RAD51B: variants seen among roughly 807,000 people sequenced by gnomAD.
RAD51B encodes the protein DNA repair protein RAD51 homolog 2.
RAD51B carries 38 observed loss-of-function variants against 42.2 expected under a neutral mutation model. That is an observed-to-expected ratio of 0.90 (90% confidence interval 0.70 to 1.18). The LOEUF is 1.18. Ranked by LOEUF, RAD51B falls within the 50% of genes most tolerant of loss-of-function variation. The pLI, the probability that RAD51B is intolerant of heterozygous loss-of-function variation, is 0.00. For missense variants in RAD51B, 373 were observed against 400.7 expected, an observed-to-expected ratio of 0.93 and a Z score of 0.59; for synonymous variants, 154 against 145.2, an observed-to-expected ratio of 1.06 and a Z score of -0.43.
At chr14:67,823,775 A>G (rs1184715410) in intron 2 of RAD51B, 148 bp downstream of exon 2, 2 of 615,018 alleles carry the variant, frequency 3.3e-6, no homozygotes, top group African/African-American at 3.8e-5. Flanking sequence ...TGTAAATATC[A>G]AGCCTCCTTG....
intron 9 of RAD51B, among the ~76,000 whole-genome samples, chr14:68,414,412 C>CT (rs931424359): frequency 6.6e-6 from 1 of 152,098 alleles, no homozygotes; most frequent in Non-Finnish European, 1.5e-5. Flanking sequence ...CATTTTTATT[C>CT]TTACCAAAGA....
intron 8 of RAD51B, among the ~76,000 whole-genome samples, chr14:68,361,823 C>T (rs964083246): frequency 2.0e-5 from 3 of 152,070 alleles, no homozygotes; most frequent in Non-Finnish European, 4.4e-5. Flanking sequence ...TTACAGGCAC[C>T]TGCCACCACA....
chr14:68,187,637 C>T (rs1421760742), intron 7 of RAD51B, among the ~76,000 whole-genome samples: 3 of 152,116 alleles, frequency 2.0e-5, no homozygotes, highest in African/African-American at 7.2e-5. Flanking sequence ...AAAAGTTCCC[C>T]ATAATCTTAG....
intron 7 of RAD51B, among the ~76,000 whole-genome samples, chr14:68,103,320 G>C (rs1866151301): frequency 6.6e-6 from 1 of 152,148 alleles, no homozygotes; most frequent in Non-Finnish European, 1.5e-5. Context: ...TATCATAATA[G>C]TTTCAATCTC....
intron 7 of RAD51B, among the ~76,000 whole-genome samples, chr14:68,152,374 A>G (rs539327263): frequency 6.6e-6 from 1 of 152,286 alleles, no homozygotes; most frequent in African/African-American, 2.4e-5. Context: ...AGATACGTTG[A>G]GAATGTAGGC....
chr14:67,992,478 A>T (rs1045857598), intron 7 of RAD51B, among the ~76,000 whole-genome samples: 8 of 152,190 alleles, frequency 5.3e-5, no homozygotes, highest in Non-Finnish European at 1.0e-4. Flanking sequence ...TAATAGAAGA[A>T]ATTTATTCAT....
At chr14:68,398,176 C>T (rs2140038474) in intron 8 of RAD51B, among the ~76,000 whole-genome samples, 1 of 152,360 alleles carries the variant, frequency 6.6e-6, no homozygotes, top group South Asian at 2.1e-4. Flanking sequence ...CGGGGCCCAG[C>T]TCTCCCTCTG....
intron 7 of RAD51B, among the ~76,000 whole-genome samples, chr14:67,953,627 A>C (rs1446026587): frequency 1.3e-5 from 2 of 152,094 alleles, no homozygotes; most frequent in African/African-American, 4.8e-5. Flanking sequence ...GGCCCAGGTG[A>C]GAGAGAATAA....
chr14:67,845,524 C>T (rs149078863), intron 4 of RAD51B, among the ~76,000 whole-genome samples: 24 of 151,936 alleles, frequency 1.6e-4, no homozygotes, highest in African/African-American at 4.3e-4. Flanking sequence ...TAAAATTAGC[C>T]GGGTGTGGTG....
At chr14:68,542,085 G>C (rs1309404856) in intron 10 of RAD51B, among the ~76,000 whole-genome samples, 2 of 152,150 alleles carry the variant, frequency 1.3e-5, no homozygotes, top group East Asian at 3.8e-4. Context: ...CTGAGATAAA[G>C]ATGAAGTAAG....
chr14:68,520,246 T>C (rs1485225319), intron 10 of RAD51B, among the ~76,000 whole-genome samples: 4 of 152,238 alleles, frequency 2.6e-5, no homozygotes, highest in African/African-American at 9.7e-5. Flanking sequence ...CTCAAAGTAC[T>C]GTGAATTCCT....
intron 7 of RAD51B, among the ~76,000 whole-genome samples, chr14:68,172,064 A>G (rs559671657): frequency 2.5e-4 from 38 of 152,356 alleles, no homozygotes; most frequent in South Asian, 1.9e-3. Flanking sequence ...ACACCTCTGT[A>G]TCATAGCCAT....
intron 7 of RAD51B, among the ~76,000 whole-genome samples, chr14:67,928,028 G>A (rs2044588590): frequency 6.6e-6 from 1 of 152,022 alleles, no homozygotes; most frequent in Non-Finnish European, 1.5e-5. Flanking sequence ...ATGAGTTAGG[G>A]AGAATTTCCT....
At chr14:68,509,665 C>A (rs955165290) in intron 10 of RAD51B, among the ~76,000 whole-genome samples, 1 of 152,164 alleles carries the variant, frequency 6.6e-6, no homozygotes, top group Non-Finnish European at 1.5e-5. Context: ...TCTTGCCTAG[C>A]GAGATCTAGG....
chr14:68,048,004 C>T (rs763275568), intron 7 of RAD51B, among the ~76,000 whole-genome samples: 1 of 152,084 alleles, frequency 6.6e-6, no homozygotes, highest in African/African-American at 2.4e-5. Context: ...AGAAAGGCTG[C>T]TTTGAAAACG....
In RAD51B at chr14:68,420,449, A is replaced by T. The variant is rs1027266862; in HGVS notation, c.957+8922A>T. ...TATTTTTATGGGTTTTTTTTTTATT[A>T]TATGCTAAACAAGAAGTGGATTATT... On this transcript the variant is annotated intron_variant, in intron 9 of 10. Transcript: ENST00000471583. Among the ~76,000 whole-genome samples, 58 of 152,044 alleles carry T rather than the reference A, an allele frequency of 3.8e-4. 2 individuals are homozygous for T. The highest frequency in any genetic ancestry group is 1.5e-3 in the East Asian group (8 of 5,184).
intron 7 of RAD51B, among the ~76,000 whole-genome samples, chr14:68,096,163 T>G (rs2077191475): frequency 6.6e-6 from 1 of 152,196 alleles, no homozygotes; most frequent in Non-Finnish European, 1.5e-5. Context: ...TAGAGTATGA[T>G]GTCTTCATTA....
At chr14:67,858,467 G>C (rs534603539) in intron 4 of RAD51B, among the ~76,000 whole-genome samples, 1 of 152,202 alleles carries the variant, frequency 6.6e-6, no homozygotes, top group African/African-American at 2.4e-5. Flanking sequence ...GCTGTCTCCG[G>C]TATTGATTGA....
chr14:68,641,123 A>C (rs1471085329), intron 10 of RAD51B, among the ~76,000 whole-genome samples: 3 of 152,206 alleles, frequency 2.0e-5, no homozygotes, highest in African/African-American at 4.8e-5. Flanking sequence ...GAAAGAATAG[A>C]GGAAAGGAGG....
Sources: gnomAD v4.1 joint callset for allele counts (sites outside exome capture counted in the v4.1 genomes callset) on GRCh38, gnomAD v4.1.1 for gene constraint, MANE v1.5 for transcripts, NCBI Gene and HGNC (gene_info 2026-07-23, HGNC 2026-07-21) for gene names.